CCDC158: variants seen among roughly 807,000 people sequenced by gnomAD.
CCDC158 encodes the protein coiled-coil domain-containing protein 158.
CCDC158 carries 116 observed loss-of-function variants against 138.6 expected under a neutral mutation model. The observed-to-expected ratio is 0.84, with a 90% confidence interval of 0.72 to 0.98. CCDC158 has a LOEUF of 0.98. Ranked by LOEUF, CCDC158 falls within the 50% of genes least tolerant of loss-of-function variation. The pLI is 0.00. For missense variants in CCDC158, 1,265 were observed against 1,306.1 expected, an observed-to-expected ratio of 0.97 and a Z score of 0.48; for synonymous variants, 436 against 442.4, an observed-to-expected ratio of 0.99 and a Z score of 0.18.
At chr4:76,416,365 CTT>C (rs1299124161) in intron 1 of CCDC158, among the ~76,000 whole-genome samples, 2 of 152,166 alleles carry the variant, frequency 1.3e-5, no homozygotes, top group Non-Finnish European at 2.9e-5. Flanking sequence ...TCTTTTATCT[CTT>C]TGTCTTGTCT....
intron 7 of CCDC158, among the ~76,000 whole-genome samples, chr4:76,383,379 C>A (rs28552482): frequency 0.025 from 3,796 of 152,242 alleles, 153 homozygotes; most frequent in African/African-American, 0.087. Flanking sequence ...TCACCATGCC[C>A]CCTGGCTATA....
intron 1 of CCDC158, among the ~76,000 whole-genome samples, chr4:76,415,455 CTG>C (rs1729615575): frequency 6.6e-6 from 1 of 152,024 alleles, no homozygotes; most frequent in Admixed American, 6.6e-5. Context: ...AGCAAGGAGT[CTG>C]TGGGCGGCAA....
chr4:76,326,982 G>A (rs1720589652), intron 22 of CCDC158, among the ~76,000 whole-genome samples: 1 of 152,018 alleles, frequency 6.6e-6, no homozygotes, highest in Admixed American at 6.6e-5. Context: ...ATAATTAAAT[G>A]TGGTATTCAT....
chr4:76,357,057 C>T (rs1297076765), intron 14 of CCDC158, among the ~76,000 whole-genome samples: 7 of 152,106 alleles, frequency 4.6e-5, no homozygotes. Context: ...ATGGAAATTA[C>T]AGGTAACTTG....
At chr4:76,322,259 A>G (rs1720092579) in intron 24 of CCDC158, among the ~76,000 whole-genome samples, 1 of 152,158 alleles carries the variant, frequency 6.6e-6, no homozygotes, top group Admixed American at 6.5e-5. Context: ...AATTTTCTTC[A>G]ACAACAATTT....
intron 1 of CCDC158, among the ~76,000 whole-genome samples, chr4:76,412,581 G>A (rs543501853): frequency 6.6e-6 from 1 of 152,072 alleles, no homozygotes. Context: ...GGGAAACCCC[G>A]TCTCTACTAA....
At chr4:76,399,136 A>G (rs1240111852) in intron 3 of CCDC158, among the ~76,000 whole-genome samples, 3 of 152,218 alleles carry the variant, frequency 2.0e-5, no homozygotes, top group Non-Finnish European at 2.9e-5. Flanking sequence ...CTGGCAAAAT[A>G]AGATACATAT....
At chr4:76,327,101 G>A (rs1467146067) in intron 22 of CCDC158, among the ~76,000 whole-genome samples, 2 of 151,852 alleles carry the variant, frequency 1.3e-5, no homozygotes, top group Non-Finnish European at 2.9e-5. Context: ...TATGAGAAAA[G>A]GTAAAAGCAT....
intron 13 of CCDC158, among the ~76,000 whole-genome samples, chr4:76,358,330 C>A (rs1285533129): frequency 2.0e-5 from 3 of 152,200 alleles, no homozygotes; most frequent in African/African-American, 7.2e-5. Flanking sequence ...ACTGCCACTG[C>A]CTTAATTCAA....
In CCDC158 at chr4:76,396,390, T is replaced by G. The variant is rs764618453; in HGVS notation, c.167A>C (p.Lys56Thr). Reference sequence around the variant, plus strand: ...AGGAGAATCAAGTTCCACTTCATATTTAGGGAAAAAAGGAACCTGTGTCAA... The same window carrying G: ...AGGAGAATCAAGTTCCACTTCATATGTAGGGAAAAAAGGAACCTGTGTCAA... ...GTLTQVPFFP[K>T]YEVELDSPRK... Residue 56 changes from lysine to threonine, a missense_variant, in exon 4 of 25, where the codon AAA (lysine) becomes ACA (threonine). Lys to Thr is a moderately conservative substitution (Grantham distance 78). Coordinates refer to ENST00000682701, the MANE Select transcript of CCDC158 (RefSeq NM_001394954.1). 8 of 1,613,854 alleles carry G rather than the reference T, an allele frequency of 5.0e-6. No homozygotes were observed. In the Middle Eastern group the frequency reaches 5.0e-4, roughly 100 times the overall value.
chr4:76,340,811 A>G (rs1721974617), intron 18 of CCDC158, among the ~76,000 whole-genome samples: 1 of 152,292 alleles, frequency 6.6e-6, no homozygotes, highest in South Asian at 2.1e-4. Flanking sequence ...AATGTAATGC[A>G]CTTAAATCAT....
intron 18 of CCDC158, 28 bp downstream of exon 18, chr4:76,350,968 G>A (rs759603437): frequency 2.6e-5 from 41 of 1,603,166 alleles, no homozygotes; most frequent in Non-Finnish European, 3.2e-5. Flanking sequence ...TGTCATTTGC[G>A]TAATGGATCA....
In CCDC158 at chr4:76,371,627, T is replaced by G. The variant is rs577546906; in HGVS notation, c.1030-91A>C. On this transcript the variant is annotated intron_variant, in intron 9 of 24. Coordinates refer to ENST00000682701, the MANE Select transcript of CCDC158 (RefSeq NM_001394954.1). ...ACTTTGGAAAACAAATGGTATTATT[T>G]TGAGAACAAAAATAAAAGTTCGTTG... The G allele has an allele frequency of 1.5e-5, 22 of 1,485,214 alleles. No individual in the cohort carries two copies. The African/African-American group carries it at 3.0e-4, about 20-fold the overall frequency. 92.0% of individuals were successfully genotyped at this position (1,485,214 alleles called of 1,614,324 possible).
intron 12 of CCDC158, among the ~76,000 whole-genome samples, chr4:76,365,901 T>C (rs765952104): frequency 6.6e-5 from 10 of 152,188 alleles, no homozygotes; most frequent in Non-Finnish European, 1.3e-4. Context: ...CAGTAACATC[T>C]ACTTAGGCTG....
intron 17 of CCDC158, among the ~76,000 whole-genome samples, chr4:76,351,500 C>G (rs1477585855): frequency 6.6e-6 from 1 of 151,760 alleles, no homozygotes; most frequent in Non-Finnish European, 1.5e-5. Flanking sequence ...ATTTTAAACT[C>G]ACCTATTTTA....
chr4:76,375,713 G>C, intron 9 of CCDC158: 1 of 681,800 alleles, frequency 1.5e-6, no homozygotes, highest in Non-Finnish European at 2.7e-6. Context: ...TCCTAAAGTG[G>C]AAAGAGAAGA....
At position 76,401,625 on chromosome 4, in the gene CCDC158, A is replaced by G. The variant is rs1424431041; in HGVS notation, c.70+1513T>C. 6 of 157,214 alleles carry G rather than the reference A, an allele frequency of 3.8e-5. No homozygotes were observed. In the Admixed American group the frequency reaches 3.9e-4, roughly 10 times the overall value. The allele number at this position is 157,214 out of a possible 1,614,324, so 9.7% of individuals were successfully genotyped here. A position where few individuals can be genotyped will look rare whatever the true frequency, so the allele number is the denominator to read the frequency against. The stretch of plus-strand genomic sequence containing the variant: ...TAAAATCTTGAGTTTATGTTAAAAA[A>G]TAAAAGACAGGAGGTTGAATTTCAG... On this transcript the variant is annotated intron_variant, in intron 3 of 24. Transcript: ENST00000682701.
chr4:76,398,418 G>C (rs1031969187), intron 3 of CCDC158, among the ~76,000 whole-genome samples: 6 of 152,114 alleles, frequency 3.9e-5, no homozygotes, highest in African/African-American at 1.4e-4. Context: ...TGTAATCCTA[G>C]CACTTTGGGA....
chr4:76,371,380 G>A (rs751273950), intron 10 of CCDC158, 37 bp downstream of exon 10: 1 of 1,596,520 alleles, frequency 6.3e-7, no homozygotes, highest in South Asian at 1.1e-5. Context: ...AAACTTCCCA[G>A]AATTAGTCTT....
Sources: gnomAD v4.1 joint callset for allele counts (sites outside exome capture counted in the v4.1 genomes callset) on GRCh38, gnomAD v4.1.1 for gene constraint, MANE v1.5 for transcripts, NCBI Gene and HGNC (gene_info 2026-07-23, HGNC 2026-07-21) for gene names.